Variants in VIL1 observed in about 807,000 individuals in gnomAD.
The protein encoded by VIL1 is villin 1.
Under a neutral mutation model 104.0 loss-of-function variants are expected in VIL1, and 86 were observed. The ratio of observed to expected loss-of-function variants is 0.83; its 90% CI spans 0.69 to 0.99. VIL1 has a LOEUF of 0.99. Among genes scored for constraint, VIL1 ranks in the 50% least tolerant of loss-of-function variants. The probability of loss-of-function intolerance (pLI) is 0.00; values close to 1 mark genes in which losing one functional copy is unlikely to be tolerated. For missense variants in VIL1, 944 were observed against 1,054.1 expected, an observed-to-expected ratio of 0.90 and a Z score of 1.45; for synonymous variants, 394 against 412.6, an observed-to-expected ratio of 0.95 and a Z score of 0.55.
Position 218,428,059 on chromosome 2 carries a change from G to A in VIL1, c.442G>A (p.Val148Met), listed in dbSNP as rs1288515144. 13 of 1,614,134 alleles carry A rather than the reference G, an allele frequency of 8.1e-6. No individual in the cohort carries two copies. The highest frequency in any genetic ancestry group is 2.2e-5 in the South Asian group (2 of 91,090). The change falls in exon 5 of 20, where the codon GTG becomes ATG. Residue 148 changes from valine to methionine, a missense_variant. By Grantham distance (21) the Val-to-Met change is conservative. Transcript: ENST00000248444. Reference protein sequence around the residue: ...RLLHVKGKRNVVAGEVEMSWK... With the variant: ...RLLHVKGKRNMVAGEVEMSWK... ...GCTGCATGTCAAGGGCAAGAGGAAC[G>A]TGGTAGCTGGAGAGGTAGGCAGGCC... is the stretch of plus-strand genomic sequence containing the variant.
At chr2:218,437,048 G>A (rs940349282) in intron 16 of VIL1, 76 bp from the exon 17 acceptor site, 9 of 1,543,044 alleles carry the variant, frequency 5.8e-6, no homozygotes, top group Non-Finnish European at 7.9e-6. Context: ...GGGTTTCACT[G>A]TTGGACAACT....
chr2:218,437,311 G>A lies in VIL1; in HGVS notation c.2159G>A (p.Ser720Asn), dbSNP rs771278453. 8.1e-6 allele frequency: 13 copies of A among 1,613,352 alleles called. No homozygotes were observed. In the East Asian group the frequency reaches 1.8e-4, roughly 22 times the overall value. ...WFLAWDPFKW[S>N]NTKSYEDLKA... The stretch of plus-strand genomic sequence containing the variant: ...CTGGCTTGGGATCCCTTCAAGTGGA[G>A]TGTGAGTGGCCTCATCCCAGCATGT... The change falls in exon 17 of 20, where the codon AGT (serine) becomes AAT (asparagine). Residue 720 changes from serine (S) to asparagine (N), a missense_variant and splice_region_variant. Transcript: ENST00000248444.
chr2:218,424,618 A>G (rs1200136492), intron 3 of VIL1, among the ~76,000 whole-genome samples: 1 of 151,992 alleles, frequency 6.6e-6, no homozygotes, highest in Non-Finnish European at 1.5e-5. Context: ...GTATCACCCT[A>G]ACTTGAGTCC....
intron 2 of VIL1, 33 bp from the exon 3 acceptor site, chr2:218,424,244 G>A (rs1291861130): frequency 6.2e-7 from 1 of 1,607,846 alleles, no homozygotes; most frequent in Admixed American, 1.7e-5. Context: ...TGGTGGTCCA[G>A]GGCAGCCCCT....
chr2:218,450,069 A>T lies in VIL1; in HGVS notation c.*733A>T, dbSNP rs1167282280. 1 of 152,236 alleles carries T rather than the reference A, an allele frequency of 6.6e-6. No homozygotes were observed. The highest frequency in any genetic ancestry group is 1.5e-5 in the Non-Finnish European group (1 of 68,054). The allele number at this position is 152,236 out of a possible 1,614,324, so 9.4% of individuals were successfully genotyped here. On this transcript the variant is annotated 3_prime_UTR_variant, in exon 20 of 20. Transcript: ENST00000248444. ...TTCACAGGCTCCTCAGATGAAAATAACAGGAATCAATGGGGACTACGGCCA... is the reference window on the plus strand; with the variant it reads ...TTCACAGGCTCCTCAGATGAAAATATCAGGAATCAATGGGGACTACGGCCA...
Position 218,423,802 on chromosome 2 carries a change from C to T in VIL1, c.24C>T (p.Val8=). The T allele has an allele frequency of 6.2e-7, 1 of 1,614,186 alleles. No homozygotes were observed. The highest frequency in any genetic ancestry group is 2.2e-5 in the East Asian group (1 of 44,870). Reference sequence around the variant, plus strand: ...CCATGACCAAGCTGAGCGCCCAAGTCAAAGGCTCTCTCAACATCACCACCC... The same window carrying T: ...CCATGACCAAGCTGAGCGCCCAAGTTAAAGGCTCTCTCAACATCACCACCC... MTKLSAQ[V]KGSLNITTPG... Residue 8 remains valine (V), a synonymous_variant, in exon 2 of 20, where the codon GTC becomes GTT. Coordinates refer to ENST00000248444, the MANE Select transcript of VIL1 (RefSeq NM_007127.3).
chr2:218,435,958 C>G (rs1689182324), intron 15 of VIL1, among the ~76,000 whole-genome samples: 1 of 152,210 alleles, frequency 6.6e-6, no homozygotes, highest in African/African-American at 2.4e-5. Flanking sequence ...CCTGCTGCAG[C>G]CTCCTGCGTA....
At chr2:218,440,269 A>ATGT (rs374494985) in intron 18 of VIL1, among the ~76,000 whole-genome samples, 46 of 152,072 alleles carry the variant, frequency 3.0e-4, no homozygotes, top group African/African-American at 9.9e-4. Context: ...ACTAAGCTCT[A>ATGT]TGTTGTTGTT....
intron 18 of VIL1, 44 bp from the exon 19 acceptor site, chr2:218,440,678 T>C: frequency 2.5e-6 from 4 of 1,611,978 alleles, no homozygotes; most frequent in Non-Finnish European, 2.5e-6. Context: ...GGGAGGTAGC[T>C]GTGCACCAGC....
intron 15 of VIL1, 39 bp downstream of exon 15, chr2:218,435,473 G>A (rs370851378): frequency 1.0e-5 from 16 of 1,602,276 alleles, no homozygotes; most frequent in African/African-American, 6.7e-5. Flanking sequence ...TTACCAAGGT[G>A]GGGGAGCCGC....
chr2:218,423,807 G>A lies in VIL1; in HGVS notation c.29G>A (p.Gly10Asp), dbSNP rs776267848. 1 of 1,614,110 alleles carries A rather than the reference G, an allele frequency of 6.2e-7. No individual in the cohort carries two copies. The change falls in exon 2 of 20, where the codon GGC becomes GAC. Residue 10 changes from glycine (G) to aspartate (D), a missense_variant. Physicochemically the swap from Gly to Asp is moderately conservative, Grantham distance 94. Coordinates refer to ENST00000248444, the MANE Select transcript of VIL1 (RefSeq NM_007127.3). MTKLSAQVK[G>D]SLNITTPGLQ... Reference sequence around the variant, plus strand: ...ACCAAGCTGAGCGCCCAAGTCAAAGGCTCTCTCAACATCACCACCCCGGGG... The same window carrying A: ...ACCAAGCTGAGCGCCCAAGTCAAAGACTCTCTCAACATCACCACCCCGGGG...
At position 218,428,278 on chromosome 2, in the gene VIL1, C is replaced by T. The variant is rs1386776642; in HGVS notation, c.508C>T (p.Leu170Phe). 1.9e-6 allele frequency: 3 copies of T among 1,614,040 alleles called. No homozygotes were observed. The African/African-American group carries it at 4.0e-5, about 22-fold the overall frequency. ...FNRGDVFLLD[L>F]GKLIIQWNGP... ...CCGAGGGGATGTTTTCCTCCTGGAC[C>T]TTGGGAAGCTTATCATCCAGTGGAA... Residue 170 changes from leucine to phenylalanine, a missense_variant, in exon 6 of 20, where the codon CTT (leucine) becomes TTT (phenylalanine). Physicochemically the swap from Leu to Phe is conservative, Grantham distance 22. Transcript: ENST00000248444.
intron 1 of VIL1, among the ~76,000 whole-genome samples, chr2:218,421,770 C>T (rs1226789410): frequency 1.3e-5 from 2 of 152,182 alleles, no homozygotes; most frequent in East Asian, 3.9e-4. Flanking sequence ...TGAATCCCCT[C>T]TCTGATAAGC....
In VIL1 at chr2:218,429,876, C is replaced by A. The variant is rs1423563586; in HGVS notation, c.877C>A (p.Leu293Met). The change falls in exon 9 of 20, where the codon CTG becomes ATG. Residue 293 changes from leucine to methionine, a missense_variant. Coordinates refer to ENST00000248444, the MANE Select transcript of VIL1 (RefSeq NM_007127.3). Reference protein sequence around the residue: ...EDCYILDQGGLKIYVWKGKKA... With the variant: ...EDCYILDQGGMKIYVWKGKKA... ...CTGTTACATCCTGGACCAGGGGGGC[C>A]TGAAGATCTACGTGTGGAAAGGGAA... The A allele has an allele frequency of 6.2e-7, 1 of 1,611,696 alleles. No individual in the cohort carries two copies. The highest frequency in any genetic ancestry group is 8.5e-7 in the Non-Finnish European group (1 of 1,179,434).
At chr2:218,448,195 G>A (rs561142191) in intron 19 of VIL1, among the ~76,000 whole-genome samples, 4 of 152,114 alleles carry the variant, frequency 2.6e-5, no homozygotes, top group African/African-American at 9.6e-5. Flanking sequence ...AGGAGGTTGA[G>A]GCTGGAGTGA....
At chr2:218,420,786 C>T (rs1183498903) in intron 1 of VIL1, among the ~76,000 whole-genome samples, 1 of 152,016 alleles carries the variant, frequency 6.6e-6, no homozygotes, top group East Asian at 1.9e-4. Context: ...AGGGTTTCAC[C>T]GTGTTAGCCA....
intron 9 of VIL1, 142 bp from the exon 10 acceptor site, chr2:218,430,583 A>G (rs1574814603): frequency 9.2e-7 from 1 of 1,086,728 alleles, no homozygotes. Context: ...GGGGATTAGC[A>G]TTGGGATTGG....
chr2:218,425,793 A>T lies in VIL1; in HGVS notation c.329A>T (p.Tyr110Phe). The T allele has an allele frequency of 6.2e-7, 1 of 1,610,760 alleles. No homozygotes were observed. Among genetic ancestry groups the T allele is most frequent in the Non-Finnish European group, 8.5e-7 (1 of 1,178,146 alleles). Residue 110 changes from tyrosine to phenylalanine, a missense_variant, in exon 4 of 20, where the codon TAC becomes TTC. Physicochemically the swap from Tyr to Phe is conservative, Grantham distance 22 (BLOSUM62 3). Coordinates refer to ENST00000248444, the MANE Select transcript of VIL1 (RefSeq NM_007127.3). The stretch of plus-strand genomic sequence containing the variant: ...AACGAGAGCGAGGCCTTCCGAGGCT[A>T]CTTCAAGCAAGGCCTTGTGTAGGGA... ...QGNESEAFRGYFKQGLVIRKG... is the reference protein window; with the variant it reads ...QGNESEAFRGFFKQGLVIRKG...
chr2:218,420,428 C>CAAAAAAAAAAAAAAAAAAAAAAAAAAAAA (rs71064447), intron 1 of VIL1, among the ~76,000 whole-genome samples: 1 of 80,230 alleles, frequency 1.2e-5, no homozygotes. Flanking sequence ...GACTCTGTCT[C>CAAAAAAAAAAAAAAAAAAAAAAAAAAAAA]AAAAAAAAAA....
Sources: allele counts gnomAD v4.1 joint callset (sites outside exome capture counted in the v4.1 genomes callset), GRCh38; gene constraint gnomAD v4.1.1; transcripts MANE v1.5; gene names NCBI Gene and HGNC (gene_info 2026-07-23, HGNC 2026-07-21).